MBP: variants seen among roughly 807,000 people sequenced by gnomAD.
MBP encodes myelin basic protein.
In MBP, 16 loss-of-function variants were observed where a neutral mutation model predicts 35.8. The observed-to-expected ratio is 0.45, with a 90% CI of 0.30 to 0.68. MBP has a LOEUF of 0.68. MBP is among the 30% of genes least tolerant of loss of function. MBP has a pLI of 0.08. For synonymous variants in MBP, 143 were observed against 159.6 expected (o/e 0.90, Z 0.78); for missense variants, 380 against 404.7 (o/e 0.94, Z 0.52).
At chr18:77,018,428 A>AT (rs1971781150) in intron 3 of MBP, among the ~76,000 whole-genome samples, 1 of 85,134 alleles carries the variant, frequency 1.2e-5, no homozygotes, top group East Asian at 3.7e-4. Flanking sequence ...CCATCTATCC[A>AT]CTCATGCATG....
intron 3 of MBP, among the ~76,000 whole-genome samples, chr18:77,018,612 T>TCCTCCATCCATC (rs1971806865): frequency 9.0e-6 from 1 of 110,972 alleles, no homozygotes; most frequent in African/African-American, 3.6e-5. Flanking sequence ...ATCTATCCAC[T>TCCTCCATCCATC]CATCCATCCA....
In MBP at chr18:77,008,597, C is replaced by T. The variant is rs1166445928; in HGVS notation, c.576+8235G>A. On this transcript the variant is annotated intron_variant, in intron 4 of 8. Coordinates refer to ENST00000355994, the MANE Select transcript of MBP (RefSeq NM_001025101.2). The stretch of plus-strand genomic sequence containing the variant: ...CGCAGCCGCCAGTCACTCCAAGTCC[C>T]ACGACCACCTTGGGGCTCTCACCTG... 3.3e-5 allele frequency among the ~76,000 whole-genome samples: 5 copies of T among 152,166 alleles called. No homozygotes were observed. The East Asian group carries it at 9.7e-4, about 29-fold the overall frequency.
chr18:77,031,323 GC>G (rs1671131152), intron 3 of MBP, among the ~76,000 whole-genome samples: 1 of 152,198 alleles, frequency 6.6e-6, no homozygotes, highest in Admixed American at 6.5e-5. Flanking sequence ...CTGTGAGCAT[GC>G]CCGCCCTGCT....
intron 3 of MBP, among the ~76,000 whole-genome samples, chr18:77,046,905 C>T (rs181525814): frequency 3.3e-5 from 5 of 152,246 alleles, no homozygotes; most frequent in Admixed American, 2.0e-4. Flanking sequence ...CTGTCACCAT[C>T]GGGAGGCAGA....
chr18:77,110,669 C>A (rs1047656673), intron 1 of MBP: 1 of 152,134 alleles, frequency 6.6e-6, no homozygotes, highest in African/African-American at 2.4e-5. Flanking sequence ...GGACAAGGGG[C>A]CTTTCTCCAT....
chr18:76,979,712 G>T lies in MBP; in HGVS notation c.*715C>A. 1 of 543,280 alleles carries T rather than the reference G, an allele frequency of 1.8e-6. No individual in the cohort carries two copies. Among genetic ancestry groups the T allele is most frequent in the South Asian group, 2.3e-5 (1 of 44,144 alleles). The allele number at this position is 543,280 out of a possible 1,614,324, so 33.7% of individuals were successfully genotyped here. On this transcript the variant is annotated 3_prime_UTR_variant, in exon 9 of 9. Transcript: ENST00000355994. ...CAGGAAGACCCTGTTTCCTATGTGA[G>T]GCCATTGCCCAGCCCACGTTTGCCT...
At chr18:77,084,413 C>T (rs1376270478) in intron 2 of MBP, among the ~76,000 whole-genome samples, 3 of 46,198 alleles carry the variant, frequency 6.5e-5, no homozygotes, top group Admixed American at 2.5e-4. Flanking sequence ...ACAACACCGC[C>T]CCCCCCGCCA....
At chr18:77,108,288 T>G (rs148316733) in intron 1 of MBP, 155 of 152,380 alleles carry the variant, frequency 1.0e-3, no homozygotes, top group African/African-American at 3.6e-3. Context: ...AAATCTTTTT[T>G]ATTTCATTTT....
chr18:76,994,848 T>G (rs967050361), intron 4 of MBP, among the ~76,000 whole-genome samples: 2 of 152,240 alleles, frequency 1.3e-5, no homozygotes, highest in African/African-American at 4.8e-5. Flanking sequence ...TGGTCTTCAG[T>G]GAATGGAATA....
intron 3 of MBP, among the ~76,000 whole-genome samples, chr18:77,039,905 G>A (rs1280813732): frequency 1.3e-5 from 2 of 152,188 alleles, no homozygotes; most frequent in Non-Finnish European, 2.9e-5. Context: ...TCGACAGCCA[G>A]GACCTCTGAG....
At chr18:77,114,752 CAT>C (rs1390265257) in intron 1 of MBP, 1 of 152,298 alleles carries the variant, frequency 6.6e-6, no homozygotes, top group African/African-American at 2.4e-5. Flanking sequence ...GCTTCGCAGT[CAT>C]GTGGGGCTTA....
At chr18:77,063,185 A>T (rs935784567) in intron 3 of MBP, among the ~76,000 whole-genome samples, 1 of 152,310 alleles carries the variant, frequency 6.6e-6, no homozygotes, top group African/African-American at 2.4e-5. Flanking sequence ...TACAGCCAAG[A>T]CTAATAGCCA....
intron 4 of MBP, among the ~76,000 whole-genome samples, chr18:76,996,295 C>T (rs999137309): frequency 6.6e-6 from 1 of 152,138 alleles, no homozygotes; most frequent in South Asian, 2.1e-4. Context: ...GCTTTAAATA[C>T]TAAAGGATAA....
chr18:77,098,773 CG>C (rs1463465258), intron 2 of MBP, among the ~76,000 whole-genome samples: 4 of 152,216 alleles, frequency 2.6e-5, no homozygotes, highest in African/African-American at 9.6e-5. Context: ...GGATGCCCTT[CG>C]GCAAACATCA....
At chr18:77,091,587 CCACACACACA>C (rs57618192) in intron 2 of MBP, among the ~76,000 whole-genome samples, 1 of 148,014 alleles carries the variant, frequency 6.8e-6, no homozygotes, top group Non-Finnish European at 1.5e-5. Flanking sequence ...GCAAGAGAAA[CCACACACACA>C]CACACACACA....
At chr18:76,997,051 TC>T (rs1394673373) in intron 4 of MBP, among the ~76,000 whole-genome samples, 3 of 152,106 alleles carry the variant, frequency 2.0e-5, no homozygotes, top group Admixed American at 2.0e-4. Context: ...TAGAGCGTCC[TC>T]CCCCTCCAAA....
At chr18:77,063,422 G>C (rs778541870) in intron 3 of MBP, among the ~76,000 whole-genome samples, 1 of 152,140 alleles carries the variant, frequency 6.6e-6, no homozygotes, top group East Asian at 1.9e-4. Context: ...AGGATGCCTG[G>C]ACCACAAGCT....
At chr18:77,034,297 C>T (rs1166199470) in intron 3 of MBP, among the ~76,000 whole-genome samples, 1 of 152,116 alleles carries the variant, frequency 6.6e-6, no homozygotes, top group Non-Finnish European at 1.5e-5. Context: ...TGGGCCCATT[C>T]TACAGTCTAC....
chr18:76,983,652 C>A (rs929589954), intron 8 of MBP: 1 of 152,250 alleles, frequency 6.6e-6, no homozygotes, highest in Admixed American at 6.5e-5. Context: ...GCTCACTTCA[C>A]ATATTAAAAG....
Sources: gnomAD v4.1 joint callset for allele counts (sites outside exome capture counted in the v4.1 genomes callset) on GRCh38, gnomAD v4.1.1 for gene constraint, MANE v1.5 for transcripts, NCBI Gene and HGNC (gene_info 2026-07-23, HGNC 2026-07-21) for gene names.